Variants in WDR59 observed in about 807,000 individuals in gnomAD.
WDR59 encodes GATOR2 complex protein WDR59.
Under a neutral mutation model 131.2 loss-of-function variants are expected in WDR59, and 100 were observed. The observed-to-expected ratio is 0.76, with a 90% confidence interval of 0.65 to 0.90. The LOEUF (loss-of-function observed/expected upper bound fraction) is 0.90, where lower values mean the gene tolerates loss of function less well. Ranked by LOEUF, WDR59 falls within the 40% of genes least tolerant of loss-of-function variation. The pLI is 0.00. For missense variants in WDR59, 1,203 were observed against 1,262.2 expected (o/e 0.95, Z 0.71); for synonymous variants, 601 against 466.2 (o/e 1.29, Z -3.72).
In WDR59 at chr16:74,956,628, C is replaced by T. The variant is rs763670988; in HGVS notation, c.105-18G>A. ...ATCTGCGGCTAGAGACCAACATCAACATTATAATAGTATAAAAACACAACA... is the reference window on the plus strand; with the variant it reads ...ATCTGCGGCTAGAGACCAACATCAATATTATAATAGTATAAAAACACAACA... On this transcript the variant is annotated intron_variant, in intron 2 of 25. Transcript: ENST00000262144. 5 of 1,611,724 alleles carry T rather than the reference C, an allele frequency of 3.1e-6. No homozygotes were observed. In the South Asian group the frequency reaches 3.3e-5, roughly 11 times the overall value.
intron 7 of WDR59, 101 bp downstream of exon 7, chr16:74,942,637 T>C: frequency 2.7e-6 from 3 of 1,099,574 alleles, no homozygotes; most frequent in Non-Finnish European, 4.1e-6. Flanking sequence ...CTGCACAGGG[T>C]TCCCCAGACT....
chr16:74,885,354 G>A (rs1449556371), intron 25 of WDR59, among the ~76,000 whole-genome samples: 1 of 149,640 alleles, frequency 6.7e-6, no homozygotes, highest in Non-Finnish European at 1.5e-5. Flanking sequence ...GGGAGGCTTA[G>A]GGAGGAGAAG....
intron 25 of WDR59, among the ~76,000 whole-genome samples, chr16:74,876,711 A>G (rs1964232920): frequency 6.6e-6 from 1 of 152,160 alleles, no homozygotes; most frequent in Non-Finnish European, 1.5e-5. Flanking sequence ...AGAAAACATA[A>G]AAGCCCCAGG....
intron 8 of WDR59, among the ~76,000 whole-genome samples, chr16:74,926,944 G>A (rs1272240805): frequency 6.6e-6 from 1 of 152,178 alleles, no homozygotes; most frequent in Non-Finnish European, 1.5e-5. Flanking sequence ...ACAATGAGGT[G>A]TTAATAAATC....
chr16:74,918,698 G>A lies in WDR59; in HGVS notation c.887-690C>T, dbSNP rs576475982. ...CAGGACATTTGCGGATAATTATGCA[G>A]TATCTAGAATCTCCTTCATGGCCAC... On this transcript the variant is annotated intron_variant, in intron 10 of 25. Coordinates refer to ENST00000262144, the MANE Select transcript of WDR59 (RefSeq NM_030581.4). 3.9e-5 allele frequency among the ~76,000 whole-genome samples: 6 copies of A among 152,316 alleles called. No homozygotes were observed. In the East Asian group the frequency reaches 1.2e-3, roughly 29 times the overall value.
At chr16:74,913,150 G>A (rs761590643) in intron 13 of WDR59, among the ~76,000 whole-genome samples, 13 of 152,022 alleles carry the variant, frequency 8.6e-5, no homozygotes, top group South Asian at 4.2e-4. Flanking sequence ...GCTTTGTCAC[G>A]GTGAGCTACT....
intron 11 of WDR59, among the ~76,000 whole-genome samples, chr16:74,916,751 C>T (rs1385694581): frequency 6.6e-6 from 1 of 150,536 alleles, no homozygotes; most frequent in East Asian, 2.0e-4. Flanking sequence ...CCCAGCTACT[C>T]GGGAGGCTGA....
chr16:74,949,738 G>T lies in WDR59; in HGVS notation c.387C>A (p.Tyr129Ter). 1 of 1,613,836 alleles carries T rather than the reference G, an allele frequency of 6.2e-7. No homozygotes were observed. Among genetic ancestry groups the T allele is most frequent in the Non-Finnish European group, 8.5e-7 (1 of 1,179,890 alleles). Residue 129 changes from tyrosine to a stop codon, truncating the protein, a stop_gained, in exon 5 of 26, where the codon TAC becomes TAA. Coordinates refer to ENST00000262144, the MANE Select transcript of WDR59 (RefSeq NM_030581.4). LOFTEE classifies it high-confidence loss of function. ...CTTACTTGATATCCCAAATGTAGAT[G>T]TAGGTGTCCACAGAGCTGGTAACCA... ...DLLVTSSVDTYIYIWDIKDTR... is the reference protein window; with the variant it reads ...DLLVTSSVDT
intron 1 of WDR59, among the ~76,000 whole-genome samples, chr16:74,983,594 T>C (rs569533588): frequency 2.6e-4 from 39 of 152,274 alleles, no homozygotes; most frequent in African/African-American, 9.4e-4. Flanking sequence ...AGTAGTCCAA[T>C]GAGCTAAACA....
intron 8 of WDR59, among the ~76,000 whole-genome samples, chr16:74,926,188 T>C (rs746608905): frequency 6.6e-6 from 1 of 151,698 alleles, no homozygotes; most frequent in Non-Finnish European, 1.5e-5. Flanking sequence ...GCCTCCCACG[T>C]AGCTGGGATT....
intron 8 of WDR59, among the ~76,000 whole-genome samples, chr16:74,927,795 T>G (rs1321885852): frequency 6.6e-6 from 1 of 151,838 alleles, no homozygotes; most frequent in Non-Finnish European, 1.5e-5. Context: ...GCTGTTTTTT[T>G]CAAAAGATCG....
chr16:74,965,110 G>T (rs1297584523), intron 2 of WDR59, among the ~76,000 whole-genome samples: 2 of 151,874 alleles, frequency 1.3e-5, no homozygotes. Context: ...TTGCTATGTT[G>T]CCCAGGCTGG....
intron 1 of WDR59, among the ~76,000 whole-genome samples, chr16:74,974,257 G>T (rs1172726148): frequency 6.6e-6 from 1 of 152,088 alleles, no homozygotes; most frequent in Non-Finnish European, 1.5e-5. Context: ...GCCCACACTG[G>T]GTACTACTAG....
intron 17 of WDR59, among the ~76,000 whole-genome samples, chr16:74,906,183 G>A (rs931670241): frequency 5.9e-5 from 9 of 151,374 alleles, no homozygotes; most frequent in Non-Finnish European, 8.8e-5. Flanking sequence ...GCGTGGTGGC[G>A]GGCGCCTATA....
At chr16:74,881,872 C>CAA (rs1231563634) in intron 25 of WDR59, among the ~76,000 whole-genome samples, 7 of 48,410 alleles carry the variant, frequency 1.4e-4, no homozygotes, top group East Asian at 5.9e-4. Context: ...GACTCCGTCT[C>CAA]AAAAAAAAAA....
chr16:74,890,212 A>G (rs994140829), intron 20 of WDR59, among the ~76,000 whole-genome samples: 1 of 152,148 alleles, frequency 6.6e-6, no homozygotes, highest in African/African-American at 2.4e-5. Flanking sequence ...GTGCCGTGGC[A>G]CAATCACAGC....
chr16:74,876,646 A>C (rs1964229279), intron 25 of WDR59, among the ~76,000 whole-genome samples: 1 of 152,196 alleles, frequency 6.6e-6, no homozygotes, highest in Admixed American at 6.5e-5. Context: ...TTAATTAGCG[A>C]ATGATCTTTG....
intron 1 of WDR59, 92 bp downstream of exon 1, chr16:74,984,872 C>T: frequency 6.5e-7 from 1 of 1,534,564 alleles, no homozygotes; most frequent in Non-Finnish European, 8.8e-7. Flanking sequence ...CCTAGGGTCT[C>T]CCCGTAGCCC....
At chr16:74,925,871 G>C (rs543382450) in intron 8 of WDR59, among the ~76,000 whole-genome samples, 56 of 151,976 alleles carry the variant, frequency 3.7e-4, no homozygotes, top group African/African-American at 1.3e-3. Context: ...TCCTCACCTA[G>C]CTGATTGGGA....
Sources: allele counts gnomAD v4.1 joint callset (sites outside exome capture counted in the v4.1 genomes callset), GRCh38; gene constraint gnomAD v4.1.1; transcripts MANE v1.5; gene names NCBI Gene and HGNC (gene_info 2026-07-23, HGNC 2026-07-21).